SLC36A1: variants seen among roughly 807,000 people sequenced by gnomAD.
The protein encoded by SLC36A1 is solute carrier family 36 member 1.
In SLC36A1, 30 loss-of-function variants were observed where a neutral mutation model predicts 47.5. The observed-to-expected ratio is 0.63, with a 90% CI of 0.47 to 0.86. SLC36A1 has a LOEUF of 0.86. Among genes scored for constraint, SLC36A1 ranks in the 40% least tolerant of loss-of-function variants. The probability of loss-of-function intolerance (pLI) is 0.00; values close to 1 mark genes in which losing one functional copy is unlikely to be tolerated. For missense variants in SLC36A1, 517 were observed against 606.0 expected, an observed-to-expected ratio of 0.85 and a Z score of 1.54; for synonymous variants, 255 against 249.7, an observed-to-expected ratio of 1.02 and a Z score of -0.20.
the SLC36A1 span, among the ~76,000 whole-genome samples, chr5:151,427,798 G>A: frequency 1.3e-5 from 2 of 152,192 alleles, no homozygotes. Context: ...CTGCCACTCA[G>A]GGTATTCAGA....
chr5:151,436,397 G>A (rs575820335), upstream of SLC36A1, among the ~76,000 whole-genome samples: 38 of 152,036 alleles, frequency 2.5e-4, no homozygotes, highest in Non-Finnish European at 5.0e-4. Context: ...AGGGTGGTTG[G>A]AGTGGATGTT....
the SLC36A1 span, among the ~76,000 whole-genome samples, chr5:151,498,259 G>A: frequency 1.3e-5 from 2 of 152,084 alleles, no homozygotes; most frequent in African/African-American, 2.4e-5. Context: ...GGGTGGGAAT[G>A]TCCTTTTATT....
At chr5:151,493,825 T>C (rs1760264183), downstream of SLC36A1, among the ~76,000 whole-genome samples, 1 of 152,230 alleles carries the variant, frequency 6.6e-6, no homozygotes, top group Non-Finnish European at 1.5e-5. Context: ...GGAATTGTCC[T>C]GAGGGTTAGA....
At chr5:151,483,604 T>C (rs1002207052) in intron 10 of SLC36A1, among the ~76,000 whole-genome samples, 1 of 152,110 alleles carries the variant, frequency 6.6e-6, no homozygotes, top group Admixed American at 6.5e-5. Flanking sequence ...TGTCTCTTCA[T>C]AGGCACTTTA....
At chr5:151,411,440 T>C in the SLC36A1 span, among the ~76,000 whole-genome samples, 6 of 144,602 alleles carry the variant, frequency 4.1e-5, 1 homozygote, top group African/African-American at 1.3e-4. Context: ...GCTGAACCAA[T>C]GAATTCCTTT....
the SLC36A1 span, chr5:151,531,734 C>G: frequency 6.2e-7 from 1 of 1,613,724 alleles, no homozygotes. The surrounding 1 kb of genome is among the most constrained non-coding windows in gnomAD (Gnocchi z 5.7). Flanking sequence ...ACGCTGTGCT[C>G]GGTGTTCAGG....
chr5:151,417,871 C>T, the SLC36A1 span, among the ~76,000 whole-genome samples: 3 of 152,354 alleles, frequency 2.0e-5, no homozygotes, highest in Middle Eastern at 3.4e-3. Flanking sequence ...CAGATGTGTT[C>T]ATGGCAGCCC....
chr5:151,391,509 G>T, the SLC36A1 span, among the ~76,000 whole-genome samples: 2 of 152,156 alleles, frequency 1.3e-5, no homozygotes, highest in African/African-American at 2.4e-5. Flanking sequence ...TCCAGTTTTT[G>T]CCCATTCAGA....
At chr5:151,431,123 A>G in the SLC36A1 span, 5 of 152,164 alleles carry the variant, frequency 3.3e-5, no homozygotes, top group African/African-American at 1.2e-4. Flanking sequence ...TATTTTTGCT[A>G]CTAACACAAC....
At chr5:151,354,601 C>T in the SLC36A1 span, among the ~76,000 whole-genome samples, 4 of 152,136 alleles carry the variant, frequency 2.6e-5, no homozygotes, top group Non-Finnish European at 5.9e-5. Context: ...TTGACCCTGC[C>T]CTGTCCCTGG....
chr5:151,430,688 G>A, the SLC36A1 span, among the ~76,000 whole-genome samples: 1 of 152,092 alleles, frequency 6.6e-6, no homozygotes, highest in African/African-American at 2.4e-5. Flanking sequence ...TTTGTTGCAT[G>A]GATTATTTCA....
At chr5:151,393,312 G>A in the SLC36A1 span, among the ~76,000 whole-genome samples, 13 of 152,172 alleles carry the variant, frequency 8.5e-5, no homozygotes, top group South Asian at 2.7e-3. Flanking sequence ...ACATGAGATG[G>A]GTCTCCTGAA....
chr5:151,517,657 A>G, the SLC36A1 span: 1 of 1,614,174 alleles, frequency 6.2e-7, no homozygotes, highest in Non-Finnish European at 8.5e-7. Context: ...GGTGAATAGA[A>G]GAATGGCCTG....
At chr5:151,346,401 C>G in the SLC36A1 span, among the ~76,000 whole-genome samples, 1 of 152,152 alleles carries the variant, frequency 6.6e-6, no homozygotes, top group African/African-American at 2.4e-5. Flanking sequence ...TGCAGTGCAC[C>G]CCCGAGAAAC....
chr5:151,553,241 C>T, the SLC36A1 span: 22,387 of 1,614,208 alleles, frequency 0.014, 588 homozygotes, highest in African/African-American at 0.11. Context: ...CCATGTGGTT[C>T]ACAGGGTCCG....
At chr5:151,545,912 A>G in the SLC36A1 span, 1 of 1,614,116 alleles carries the variant, frequency 6.2e-7, no homozygotes. Flanking sequence ...ACATCAGTAA[A>G]TGCACCTGCC....
chr5:151,443,825 C>A (rs1166817128), upstream of SLC36A1, among the ~76,000 whole-genome samples: 2 of 152,166 alleles, frequency 1.3e-5, no homozygotes, highest in African/African-American at 2.4e-5. Context: ...CTTTTATCCA[C>A]TTTGAGTTGA....
chr5:151,540,531 C>T, the SLC36A1 span: 1 of 1,579,428 alleles, frequency 6.3e-7, no homozygotes, highest in Non-Finnish European at 8.6e-7. Context: ...TCTTCCTTGC[C>T]TTCACTACCC....
the SLC36A1 span, among the ~76,000 whole-genome samples, chr5:151,389,738 T>G: frequency 6.6e-6 from 1 of 152,060 alleles, no homozygotes; most frequent in African/African-American, 2.4e-5. Flanking sequence ...GGACATGAAC[T>G]CATCCTTTTT....
Sources: allele counts gnomAD v4.1 joint callset (sites outside exome capture counted in the v4.1 genomes callset), GRCh38; gene constraint gnomAD v4.1.1; non-coding constraint Gnocchi (gnomAD v3.1); transcripts MANE v1.5; gene names NCBI Gene and HGNC (gene_info 2026-07-23, HGNC 2026-07-21).